Variants in TIAM2 observed in about 807,000 individuals in gnomAD.
TIAM2 encodes the protein TIAM Rac1 associated GEF 2.
In TIAM2, 80 loss-of-function variants were observed where a neutral mutation model predicts 152.9. That is an observed-to-expected ratio of 0.52 (90% CI 0.44 to 0.63). The LOEUF is 0.63. Ranked by LOEUF, TIAM2 falls within the 30% of genes least tolerant of loss-of-function variation. The pLI is 0.00. For missense variants in TIAM2, 1,965 were observed against 2,120.1 expected (o/e 0.93, Z 1.44); for synonymous variants, 804 against 838.0 (o/e 0.96, Z 0.70).
intron 7 of TIAM2, among the ~76,000 whole-genome samples, chr6:155,161,637 A>G (rs1208982284): frequency 6.7e-6 from 1 of 148,718 alleles, no homozygotes; most frequent in African/African-American, 2.5e-5. Context: ...GTGCGATCTC[A>G]GCTCACTGCA....
intron 22 of TIAM2, 58 bp downstream of exon 22, chr6:155,251,079 T>G: frequency 6.8e-7 from 1 of 1,464,186 alleles, no homozygotes; most frequent in Non-Finnish European, 9.5e-7. Flanking sequence ...ACGGAAGAAC[T>G]TCACTAGCCG....
chr6:155,074,236 TA>T (rs1777904436), intron 1 of TIAM2, among the ~76,000 whole-genome samples: 1 of 152,252 alleles, frequency 6.6e-6, no homozygotes, highest in African/African-American at 2.4e-5. Flanking sequence ...ATATCAGAGT[TA>T]ACTTCTAAAG....
intron 1 of TIAM2, among the ~76,000 whole-genome samples, chr6:155,044,264 A>G (rs1347263696): frequency 2.0e-5 from 3 of 152,146 alleles, no homozygotes; most frequent in Admixed American, 6.5e-5. Context: ...ACTAGAAGCC[A>G]GGTGTTCTCA....
rs1045353105 is a variant in TIAM2 at position 155,027,852 on chromosome 6, G to A, written c.-209+32360G>A. 5.3e-5 allele frequency among the ~76,000 whole-genome samples: 5 copies of A among 94,700 alleles called. 1 individual carries two copies. The highest frequency in any genetic ancestry group is 2.5e-4 in the African/African-American group (5 of 20,254). The allele number at this position is 94,700 out of a possible 152,430, so 62.1% of individuals were successfully genotyped here. ...TACATATATACTATATATAATATAT[G>A]TACTGTGTTATATACTATATAATAT... On this transcript the variant is annotated intron_variant, in intron 1 of 26. Coordinates refer to ENST00000682666, the MANE Select transcript of TIAM2 (RefSeq NM_012454.4).
At chr6:155,043,418 G>A (rs540872188) in intron 1 of TIAM2, among the ~76,000 whole-genome samples, 20 of 152,028 alleles carry the variant, frequency 1.3e-4, no homozygotes, top group Non-Finnish European at 2.5e-4. Context: ...GATCACTTGA[G>A]TCCAGGAGTT....
rs530684836 is a variant in TIAM2 at position 155,164,556 on chromosome 6, C to T, written c.2170C>T (p.Leu724Phe). The T allele has an allele frequency of 3.7e-6, 6 of 1,613,852 alleles. No individual in the cohort carries two copies. Among genetic ancestry groups the T allele is most frequent in the Non-Finnish European group, 5.1e-6 (6 of 1,179,924 alleles). ...AAASRPSKLALGRLGILSVSS... is the reference protein window; with the variant it reads ...AAASRPSKLAFGRLGILSVSS... ...CGCCAGCCGCCCCTCCAAGCTGGCC[C>T]TCGGCAGGCTGGGCATCTTGTCTGT... The change falls in exon 8 of 27, where the codon CTC becomes TTC. Residue 724 changes from leucine to phenylalanine, a missense_variant. By Grantham distance (22) the Leu-to-Phe change is conservative (BLOSUM62 0). Around this residue, in one of 3 missense-constraint regions of TIAM2, gnomAD observed 1,025 missense variants for 1,119.4 expected, o/e 0.92. Transcript: ENST00000682666.
intron 1 of TIAM2, among the ~76,000 whole-genome samples, chr6:155,041,590 CAAAAATTAGTTGTCACG>C (rs1462288346): frequency 6.6e-6 from 1 of 152,234 alleles, no homozygotes; most frequent in East Asian, 1.9e-4. Context: ...GAAAGTCTTA[CAAAAATTAGTTGTCACG>C]TTCATGTCAC....
At position 155,165,278 on chromosome 6, in the gene TIAM2, G is replaced by T. The variant is rs747025738; in HGVS notation, c.2230G>T (p.Asp744Tyr). ...TTTACATTAGGTATGTTCTAGAGAT[G>T]ACTCTGCTCTCCGGAAAAGGACACT... ...SFHALVCSRD[D>Y]SALRKRTLSL... The change falls in exon 9 of 27, where the codon GAC becomes TAC. Residue 744 changes from aspartate to tyrosine, a missense_variant. Asp to Tyr is a radical substitution (Grantham distance 160). Around this residue, in one of 3 missense-constraint regions of TIAM2, gnomAD observed 1,025 missense variants for 1,119.4 expected, o/e 0.92. Transcript: ENST00000682666. 2 of 1,613,414 alleles carry T rather than the reference G, an allele frequency of 1.2e-6. No homozygotes were observed. The highest frequency in any genetic ancestry group is 2.7e-5 in the African/African-American group (2 of 74,846).
At chr6:155,065,208 C>T (rs1777666521) in intron 1 of TIAM2, among the ~76,000 whole-genome samples, 1 of 152,084 alleles carries the variant, frequency 6.6e-6, no homozygotes, top group African/African-American at 2.4e-5. Flanking sequence ...CCCACCTCGG[C>T]CTCCCAAAGT....
chr6:155,170,755 T>C (rs1460560214), intron 9 of TIAM2, among the ~76,000 whole-genome samples: 5 of 152,268 alleles, frequency 3.3e-5, no homozygotes, highest in African/African-American at 1.2e-4. Flanking sequence ...GTCCCATCGA[T>C]GCTCTAAGGA....
intron 22 of TIAM2, among the ~76,000 whole-genome samples, 162 bp from the exon 23 acceptor site, chr6:155,251,782 AT>A (rs1783671119): frequency 6.6e-6 from 1 of 152,246 alleles, no homozygotes; most frequent in Non-Finnish European, 1.5e-5. Context: ...TAGTTCAAAT[AT>A]GAGCGAAAGG....
chr6:154,997,726 A>T (rs1030849768), intron 1 of TIAM2, among the ~76,000 whole-genome samples: 13 of 131,476 alleles, frequency 9.9e-5, no homozygotes, highest in African/African-American at 3.5e-4. Flanking sequence ...CCGCAGCCTC[A>T]GCCTCCCCAG....
chr6:155,086,864 A>C (rs551270031), intron 1 of TIAM2, among the ~76,000 whole-genome samples: 2 of 152,228 alleles, frequency 1.3e-5, no homozygotes, highest in East Asian at 1.9e-4. Flanking sequence ...CAGTTATTTC[A>C]TGAACACATT....
chr6:155,245,846 TC>T, intron 19 of TIAM2, 115 bp downstream of exon 19: 1 of 682,756 alleles, frequency 1.5e-6, no homozygotes. Flanking sequence ...TGTATTAAGG[TC>T]CATCCTTGAC....
intron 17 of TIAM2, 75 bp from the exon 18 acceptor site, chr6:155,244,583 G>A (rs754590763): frequency 1.9e-5 from 29 of 1,503,342 alleles, no homozygotes; most frequent in Admixed American, 6.4e-5. Flanking sequence ...TGATTTATTT[G>A]TGGGCCTAAG....
At chr6:155,044,546 G>A (rs1407439902) in intron 1 of TIAM2, among the ~76,000 whole-genome samples, 1 of 152,196 alleles carries the variant, frequency 6.6e-6, no homozygotes, top group Non-Finnish European at 1.5e-5. Flanking sequence ...GCCAGGTGCA[G>A]TGGCTTACGC....
At chr6:155,163,656 GA>G (rs965891469) in intron 7 of TIAM2, among the ~76,000 whole-genome samples, 8 of 152,084 alleles carry the variant, frequency 5.3e-5, no homozygotes, top group African/African-American at 1.9e-4. Flanking sequence ...TTATTGTTTT[GA>G]GTCATTTACT....
rs201013195 is a variant in TIAM2, at chr6:155,240,599, C to G, written c.3238C>G (p.Arg1080Gly). ...DSQANGMEGP[R>G]ENQDPPPRSL... ...TCAGGCCAACGGCATGGAAGGACCG[C>G]GGGAGAATCAGGATCCTCCTCCGAG... Residue 1080 changes from arginine to glycine, a missense_variant, in exon 16 of 27, where the codon CGG (arginine) becomes GGG (glycine). By Grantham distance (125) the Arg-to-Gly change is moderately radical. This residue lies in a region of TIAM2 where 935 missense variants were observed against 980.0 expected (regional missense o/e 0.95). Transcript: ENST00000682666. 24 of 1,614,122 alleles carry G rather than the reference C, an allele frequency of 1.5e-5. No homozygotes were observed. In the South Asian group the frequency reaches 2.1e-4, roughly 14 times the overall value.
chr6:155,237,342 C>T (rs887840240), intron 15 of TIAM2, among the ~76,000 whole-genome samples: 8 of 152,350 alleles, frequency 5.3e-5, no homozygotes, highest in African/African-American at 1.7e-4. Flanking sequence ...AAGGATATAG[C>T]CTCCCTCCTG....
Sources: gnomAD v4.1 joint callset for allele counts (sites outside exome capture counted in the v4.1 genomes callset) on GRCh38, gnomAD v4.1.1 for gene constraint, gnomAD v4.1.1 regional missense constraint, MANE v1.5 for transcripts, NCBI Gene and HGNC (gene_info 2026-07-23, HGNC 2026-07-21) for gene names.